RNGTT: variants seen among roughly 807,000 people sequenced by gnomAD.
The protein encoded by RNGTT is mRNA-capping enzyme.
RNGTT carries 33 observed loss-of-function variants against 79.3 expected under a neutral mutation model. The ratio of observed to expected loss-of-function variants is 0.42; its 90% CI spans 0.32 to 0.56. The LOEUF (loss-of-function observed/expected upper bound fraction) is 0.56. Among genes scored for constraint, RNGTT ranks in the 20% least tolerant of loss-of-function variants. The pLI, the probability that RNGTT is intolerant of heterozygous loss-of-function variation, is 0.17. For missense variants in RNGTT, 497 were observed against 739.1 expected (o/e 0.67, Z 3.80); for synonymous variants, 222 against 235.9 (o/e 0.94, Z 0.54).
intron 11 of RNGTT, among the ~76,000 whole-genome samples, chr6:88,843,822 C>T (rs1264788081): frequency 2.0e-5 from 3 of 151,096 alleles, no homozygotes; most frequent in African/African-American, 7.3e-5. Context: ...TCCCAAAGTG[C>T]TGGGATTACA....
rs774185768 is a variant in RNGTT, at chr6:88,863,228, C to T, written c.897-9464G>A. On this transcript the variant is annotated intron_variant, in intron 8 of 15. Transcript: ENST00000369485. ...CTTAGAATGTTAATTGTATATTAAA[C>T]GGCAGGCCAGCAGCATGCCACTGAA... Among the ~76,000 whole-genome samples the T allele has an allele frequency of 1.8e-4, 27 of 152,292 alleles. No individual in the cohort carries two copies. The East Asian group carries it at 3.3e-3, about 18-fold the overall frequency.
At chr6:88,614,525 T>C in intron 14 of RNGTT, 130 bp from the exon 15 acceptor site, 1 of 796,464 alleles carries the variant, frequency 1.3e-6, no homozygotes, top group Non-Finnish European at 2.0e-6. Flanking sequence ...CTCTTTGTCA[T>C]CTGAAGTATC....
chr6:88,842,322 A>T (rs954303753), intron 11 of RNGTT, among the ~76,000 whole-genome samples: 1 of 151,848 alleles, frequency 6.6e-6, no homozygotes, highest in Non-Finnish European at 1.5e-5. Context: ...TATATGTCTT[A>T]AAAAAAACAG....
intron 13 of RNGTT, among the ~76,000 whole-genome samples, chr6:88,723,233 T>C (rs1776765555): frequency 6.6e-6 from 1 of 152,228 alleles, no homozygotes; most frequent in Non-Finnish European, 1.5e-5. Flanking sequence ...TGACCCTATA[T>C]AGCCTAGGCT....
chr6:88,680,454 C>G (rs972716453), intron 13 of RNGTT, among the ~76,000 whole-genome samples: 11 of 151,960 alleles, frequency 7.2e-5, no homozygotes, highest in Non-Finnish European at 1.6e-4. Flanking sequence ...TCTATAAGAG[C>G]CTACAGGCCA....
chr6:88,674,009 G>A (rs191439408), intron 14 of RNGTT, among the ~76,000 whole-genome samples: 6 of 152,326 alleles, frequency 3.9e-5, no homozygotes, highest in African/African-American at 7.2e-5. Flanking sequence ...ATGGGATAGC[G>A]AGGGGGGTTT....
intron 6 of RNGTT, among the ~76,000 whole-genome samples, chr6:88,898,619 A>T (rs181619044): frequency 6.6e-6 from 1 of 150,784 alleles, no homozygotes; most frequent in East Asian, 1.9e-4. Context: ...ACTTTTATAT[A>T]GGACTTAATT....
chr6:88,942,380 T>C (rs1335107187), intron 1 of RNGTT, among the ~76,000 whole-genome samples: 1 of 152,032 alleles, frequency 6.6e-6, no homozygotes, highest in Non-Finnish European at 1.5e-5. Flanking sequence ...TATGTATGCG[T>C]ATTATTTTTG....
chr6:88,830,656 T>G (rs544845800), intron 11 of RNGTT, among the ~76,000 whole-genome samples: 5 of 150,918 alleles, frequency 3.3e-5, no homozygotes, highest in Non-Finnish European at 7.4e-5. Context: ...GAGCTGGTTT[T>G]TTGAAAATAT....
intron 12 of RNGTT, among the ~76,000 whole-genome samples, chr6:88,771,270 T>G (rs1417841397): frequency 6.9e-6 from 1 of 145,272 alleles, no homozygotes; most frequent in Non-Finnish European, 1.5e-5. Context: ...CTTATTAATT[T>G]CTATGGTATG....
At chr6:88,697,335 AG>A (rs1244582848) in intron 13 of RNGTT, among the ~76,000 whole-genome samples, 2 of 151,584 alleles carry the variant, frequency 1.3e-5, no homozygotes, top group African/African-American at 4.9e-5. Flanking sequence ...GTGGATCACG[AG>A]GTCAGGAGAT....
chr6:88,679,567 T>G (rs559965166), intron 13 of RNGTT, among the ~76,000 whole-genome samples: 2 of 152,150 alleles, frequency 1.3e-5, no homozygotes, highest in Non-Finnish European at 2.9e-5. Context: ...TCAAACCAAA[T>G]AGAGGTCTAA....
intron 13 of RNGTT, among the ~76,000 whole-genome samples, chr6:88,760,245 G>A (rs528830067): frequency 3.2e-4 from 49 of 151,984 alleles, no homozygotes; most frequent in Non-Finnish European, 6.8e-4. Flanking sequence ...TTTGGTAAGC[G>A]GCCTGGGAAA....
chr6:88,954,791 C>G (rs145124491), intron 1 of RNGTT, among the ~76,000 whole-genome samples: 60 of 151,946 alleles, frequency 3.9e-4, no homozygotes, highest in African/African-American at 1.3e-3. Flanking sequence ...GCCTGTAATC[C>G]CAACACTTTA....
intron 13 of RNGTT, among the ~76,000 whole-genome samples, chr6:88,698,006 GAT>G (rs1294933918): frequency 1.2e-5 from 1 of 85,988 alleles, no homozygotes; most frequent in Non-Finnish European, 1.9e-5. Context: ...ATACATATAT[GAT>G]ATATATATGA....
At chr6:88,909,625 G>C (rs527960774) in intron 4 of RNGTT, among the ~76,000 whole-genome samples, 1 of 152,176 alleles carries the variant, frequency 6.6e-6, no homozygotes, top group South Asian at 2.1e-4. Flanking sequence ...TAGCTGAGGG[G>C]GATACCACCA....
intron 14 of RNGTT, among the ~76,000 whole-genome samples, chr6:88,624,502 T>G (rs74407794): frequency 0.03 from 4,560 of 151,984 alleles, 230 homozygotes; most frequent in African/African-American, 0.1. Flanking sequence ...TTTCAATAAA[T>G]GGTACTGGAA....
intron 14 of RNGTT, among the ~76,000 whole-genome samples, 194 bp from the exon 15 acceptor site, chr6:88,614,589 G>T (rs897429741): frequency 5.3e-5 from 8 of 152,124 alleles, no homozygotes; most frequent in African/African-American, 1.7e-4. Context: ...TCACTTATCC[G>T]ACATTTTATA....
At chr6:88,874,338 T>C (rs1364267963) in intron 8 of RNGTT, among the ~76,000 whole-genome samples, 1 of 152,080 alleles carries the variant, frequency 6.6e-6, no homozygotes, top group Non-Finnish European at 1.5e-5. Flanking sequence ...GCACTACCTA[T>C]CACAGAGGCA....
Sources: gnomAD v4.1 joint callset for allele counts (sites outside exome capture counted in the v4.1 genomes callset) on GRCh38, gnomAD v4.1.1 for gene constraint, MANE v1.5 for transcripts, NCBI Gene and HGNC (gene_info 2026-07-23, HGNC 2026-07-21) for gene names.